The following TCF4 variants were observed in gnomAD, a reference collection of about 807,000 sequenced individuals.
TCF4 encodes the protein transcription factor 4, also known as SL3-3 enhancer factor 2.
Under a neutral mutation model 82.1 loss-of-function variants are expected in TCF4, and 3 were observed. The ratio of observed to expected loss-of-function variants is 0.04; its 90% CI spans 0.02 to 0.09. The LOEUF (loss-of-function observed/expected upper bound fraction) is 0.09, where lower values mean the gene tolerates loss of function less well. Among genes scored for constraint, TCF4 ranks in the 10% least tolerant of loss-of-function variants. The pLI is 1.00. For synonymous variants in TCF4, 276 were observed against 309.6 expected (o/e 0.89, Z 1.14); for missense variants, 518 against 852.7 (o/e 0.61, Z 4.89).
At chr18:55,262,815 T>A (rs1230394824) in intron 11 of TCF4, among the ~76,000 whole-genome samples, 1 of 152,210 alleles carries the variant, frequency 6.6e-6, no homozygotes, top group East Asian at 1.9e-4. Context: ...TGAGTTTTCT[T>A]TTTTGTTTTG....
chr18:55,362,416 AGG>A (rs2085628295), intron 6 of TCF4, among the ~76,000 whole-genome samples: 2 of 140,018 alleles, frequency 1.4e-5, no homozygotes, highest in African/African-American at 5.4e-5. Context: ...GAAGGAAGGA[AGG>A]AAGGAAGGAA....
At position 55,224,205 on chromosome 18, in the gene TCF4, A is replaced by G. The variant is rs1160762752; in HGVS notation, c.*3830T>C. 5 of 151,752 alleles carry G rather than the reference A, an allele frequency of 3.3e-5. No homozygotes were observed. Among genetic ancestry groups the G allele is most frequent in the Non-Finnish European group, 5.9e-5 (4 of 67,936 alleles). The allele number at this position is 151,752 out of a possible 1,614,324, so 9.4% of individuals were successfully genotyped here. A position where few individuals can be genotyped will look rare whatever the true frequency, so the allele number is the denominator to read the frequency against. ...CTTATCTTCACTTAATTGCATCACA[A>G]GTAACAAGAATGAAAAAGGCCACAG... On this transcript the variant is annotated 3_prime_UTR_variant, in exon 20 of 20. Coordinates refer to ENST00000354452, the MANE Select transcript of TCF4 (RefSeq NM_001083962.2).
At chr18:55,311,737 T>A (rs1290384019) in intron 8 of TCF4, among the ~76,000 whole-genome samples, 1 of 152,218 alleles carries the variant, frequency 6.6e-6, no homozygotes, top group East Asian at 1.9e-4. Context: ...TAGAACCAAC[T>A]CTATAGCAGT....
chr18:55,546,092 T>C (rs998767704), intron 3 of TCF4, among the ~76,000 whole-genome samples: 1 of 152,072 alleles, frequency 6.6e-6, no homozygotes, highest in East Asian at 1.9e-4. Context: ...TCTCAGCACT[T>C]TGGGAGGCCG....
At chr18:55,350,307 AC>A (rs748292088) in intron 8 of TCF4, 51 bp downstream of exon 8, 65 of 1,575,666 alleles carry the variant, frequency 4.1e-5, no homozygotes, top group Non-Finnish European at 5.6e-5. Context: ...TCCCATCAAT[AC>A]AAAACAGAAC....
intron 2 of TCF4, among the ~76,000 whole-genome samples, chr18:55,610,379 G>A (rs555711287): frequency 2.4e-3 from 365 of 152,278 alleles, no homozygotes; most frequent in Non-Finnish European, 3.7e-3. Context: ...CATTTTCAGT[G>A]CCTTGTTGGA....
chr18:55,504,024 G>A (rs916006266), intron 3 of TCF4, among the ~76,000 whole-genome samples: 1 of 152,074 alleles, frequency 6.6e-6, no homozygotes, highest in Admixed American at 6.5e-5. Flanking sequence ...CAGTGAGACC[G>A]ATCCACCTCA....
chr18:55,631,877 A>G (rs981357019), intron 1 of TCF4, among the ~76,000 whole-genome samples: 1 of 152,160 alleles, frequency 6.6e-6, no homozygotes, highest in Admixed American at 6.5e-5. Context: ...ATTAATTCCA[A>G]TTCTGCAGGG....
chr18:55,585,991 T>C (rs1457899829), intron 2 of TCF4: 5 of 1,333,724 alleles, frequency 3.7e-6, no homozygotes, highest in South Asian at 1.5e-5. Context: ...AGTCAGAGCC[T>C]GCAAAAAGCA....
At chr18:55,308,081 C>T (rs1297188509) in intron 8 of TCF4, among the ~76,000 whole-genome samples, 1 of 152,178 alleles carries the variant, frequency 6.6e-6, no homozygotes, top group Non-Finnish European at 1.5e-5. Context: ...ATTTGTCCAA[C>T]TCAGTGATGC....
chr18:55,530,502 T>A (rs1450086628), intron 3 of TCF4, among the ~76,000 whole-genome samples: 1 of 114,656 alleles, frequency 8.7e-6, no homozygotes, highest in Non-Finnish European at 1.6e-5. Context: ...GGCAGATGGC[T>A]GGACGGTAAA....
At position 55,554,957 on chromosome 18, in the gene TCF4, CCCTTT is replaced by C. The variant is rs1706924664; in HGVS notation, c.145+30318_145+30322del. On this transcript the variant is annotated intron_variant, in intron 3 of 19. Coordinates refer to ENST00000354452, the MANE Select transcript of TCF4 (RefSeq NM_001083962.2). The stretch of plus-strand genomic sequence containing the variant: ...GGGATCAACAGCAGGCTTTTTCCTT[CCCTTT>C]CTTTATTCAATTCAAAAAATACTTT... Among the ~76,000 whole-genome samples the C allele has an allele frequency of 2.0e-5, 3 of 152,312 alleles. No individual in the cohort carries two copies. In the South Asian group the frequency reaches 6.2e-4, roughly 32 times the overall value.
At chr18:55,525,558 A>G (rs762809712) in intron 3 of TCF4, among the ~76,000 whole-genome samples, 36 of 152,226 alleles carry the variant, frequency 2.4e-4, no homozygotes, top group Non-Finnish European at 4.1e-4. Context: ...GAGACACAGT[A>G]AAGTTAAATA....
chr18:55,592,736 T>TC, upstream of TCF4, among the ~76,000 whole-genome samples: 1 of 152,168 alleles, frequency 6.6e-6, no homozygotes, highest in African/African-American at 2.4e-5. Context: ...ATCACGCCCA[T>TC]CTTGTAGTCA....
chr18:55,325,994 C>G (rs768247373), intron 8 of TCF4, among the ~76,000 whole-genome samples: 6 of 152,278 alleles, frequency 3.9e-5, no homozygotes, highest in Non-Finnish European at 5.9e-5. Context: ...TAATTGCCTT[C>G]ACTTATTTAA....
intron 8 of TCF4, among the ~76,000 whole-genome samples, chr18:55,309,094 TTTA>T (rs550139145): frequency 6.6e-5 from 10 of 151,694 alleles, no homozygotes; most frequent in Middle Eastern, 3.4e-3. Flanking sequence ...ACATCATTTA[TTTA>T]TTATTATTAT....
intron 6 of TCF4, among the ~76,000 whole-genome samples, chr18:55,362,299 G>T (rs1463400358): frequency 6.8e-6 from 1 of 148,086 alleles, no homozygotes; most frequent in African/African-American, 2.5e-5. Flanking sequence ...CTGGGCAACA[G>T]AATGAGACTT....
chr18:55,525,675 T>C (rs1395107036), intron 3 of TCF4, among the ~76,000 whole-genome samples: 1 of 152,146 alleles, frequency 6.6e-6, no homozygotes, highest in Non-Finnish European at 1.5e-5. Flanking sequence ...AAAAAGGCTA[T>C]CACTAGTTAG....
intron 8 of TCF4, among the ~76,000 whole-genome samples, chr18:55,330,578 T>G (rs1323478347): frequency 6.6e-6 from 1 of 151,878 alleles, no homozygotes; most frequent in African/African-American, 2.4e-5. Context: ...ACATTTTCTT[T>G]TTTTTTGAGA....
Sources: gnomAD v4.1 joint callset for allele counts (sites outside exome capture counted in the v4.1 genomes callset) on GRCh38, gnomAD v4.1.1 for gene constraint, MANE v1.5 for transcripts, NCBI Gene and HGNC (gene_info 2026-07-23, HGNC 2026-07-21) for gene names.